CNTLN: variants seen among roughly 807,000 people sequenced by gnomAD.
CNTLN encodes the protein centlein.
In CNTLN, 212 loss-of-function variants were observed where a neutral mutation model predicts 180.0. The ratio of observed to expected loss-of-function variants is 1.18; its 90% confidence interval spans 1.05 to 1.32. The LOEUF is 1.32. Ranked by LOEUF, CNTLN falls within the 40% of genes most tolerant of loss-of-function variation. The probability of loss-of-function intolerance (pLI) is 0.00; values close to 1 mark genes in which losing one functional copy is unlikely to be tolerated. For synonymous variants in CNTLN, 722 were observed against 563.1 expected (o/e 1.28, Z -3.99); for missense variants, 2,095 against 1,610.9 (o/e 1.30, Z -5.14).
intron 13 of CNTLN, among the ~76,000 whole-genome samples, chr9:17,381,361 T>C (rs1825240324): frequency 6.6e-6 from 1 of 152,214 alleles, no homozygotes; most frequent in African/African-American, 2.4e-5. Context: ...GAGTAGCTAG[T>C]CAAGTGCAGC....
At chr9:17,168,966 C>T (rs1178883137) in intron 2 of CNTLN, among the ~76,000 whole-genome samples, 2 of 152,036 alleles carry the variant, frequency 1.3e-5, no homozygotes, top group East Asian at 3.9e-4. Context: ...AGTCTGGCAT[C>T]CATTTTTTAC....
intron 6 of CNTLN, among the ~76,000 whole-genome samples, chr9:17,278,671 G>A (rs186465262): frequency 3.9e-5 from 6 of 152,106 alleles, no homozygotes; most frequent in Admixed American, 3.3e-4. Flanking sequence ...TGTTTTTACT[G>A]TGAACTGTGC....
chr9:17,415,165 A>G (rs974059672), intron 16 of CNTLN, among the ~76,000 whole-genome samples: 1 of 152,138 alleles, frequency 6.6e-6, no homozygotes, highest in Non-Finnish European at 1.5e-5. Flanking sequence ...ACGTTTTGAA[A>G]CCAAAAGTCA....
At chr9:17,240,066 A>G (rs1379459543) in intron 5 of CNTLN, among the ~76,000 whole-genome samples, 1 of 152,136 alleles carries the variant, frequency 6.6e-6, no homozygotes, top group Non-Finnish European at 1.5e-5. Context: ...TTACCATCTC[A>G]ATAATATTAA....
chr9:17,316,150 T>C lies in CNTLN; in HGVS notation c.1341+6898T>C, dbSNP rs145144702. On this transcript the variant is annotated intron_variant, in intron 8 of 25. Transcript: ENST00000380647. ...AGTGCATGTATTTTTATAATTGTTATCTCTTTTTGATGAATCGATTCTTTT... is the reference window on the plus strand; with the variant it reads ...AGTGCATGTATTTTTATAATTGTTACCTCTTTTTGATGAATCGATTCTTTT... Among the ~76,000 whole-genome samples, 752 of 152,164 alleles carry C rather than the reference T, an allele frequency of 4.9e-3. 4 individuals are homozygous for C. The highest frequency in any genetic ancestry group is 0.017 in the African/African-American group (699 of 41,582).
At position 17,266,886 on chromosome 9, in the gene CNTLN, G is replaced by C. The variant is rs546045556; in HGVS notation, c.850-6847G>C. 3.3e-5 allele frequency among the ~76,000 whole-genome samples: 5 copies of C among 152,052 alleles called. No homozygotes were observed. In the South Asian group the frequency reaches 1.0e-3, roughly 32 times the overall value. On this transcript the variant is annotated intron_variant, in intron 5 of 25. Coordinates refer to ENST00000380647, the MANE Select transcript of CNTLN (RefSeq NM_017738.4). ...CCCTGCCTTTTTTTGTTTTCCATTT[G>C]CTTGGTAGATCTTTCTCCATCCCTT...
chr9:17,173,418 G>A (rs901670376), intron 2 of CNTLN, among the ~76,000 whole-genome samples: 4 of 151,922 alleles, frequency 2.6e-5, no homozygotes, highest in Admixed American at 1.3e-4. Flanking sequence ...ACCCTGATGC[G>A]TCTTATTTTA....
intron 5 of CNTLN, among the ~76,000 whole-genome samples, chr9:17,242,928 C>T (rs977702294): frequency 1.3e-5 from 2 of 152,080 alleles, no homozygotes; most frequent in Non-Finnish European, 2.9e-5. Context: ...GGTGTTAGCT[C>T]TTATTTAAAA....
intron 5 of CNTLN, among the ~76,000 whole-genome samples, chr9:17,246,936 A>T (rs1282327542): frequency 6.6e-6 from 1 of 151,850 alleles, no homozygotes; most frequent in African/African-American, 2.4e-5. Flanking sequence ...TTCAGGAGCT[A>T]GGTCCTGGAA....
At chr9:17,447,445 G>T in intron 18 of CNTLN, 1 of 163,564 alleles carries the variant, frequency 6.1e-6, no homozygotes. Context: ...CGGTCCGCTG[G>T]CCCAGCGTGC....
At chr9:17,329,575 AGT>A (rs1820510233) in intron 8 of CNTLN, among the ~76,000 whole-genome samples, 1 of 152,036 alleles carries the variant, frequency 6.6e-6, no homozygotes, top group African/African-American at 2.4e-5. Context: ...ATATGAGAAA[AGT>A]GTAATAGTAT....
At chr9:17,325,577 G>GCACA (rs72054312) in intron 8 of CNTLN, among the ~76,000 whole-genome samples, 5 of 119,364 alleles carry the variant, frequency 4.2e-5, no homozygotes, top group Non-Finnish European at 5.6e-5. Context: ...ACACACACAC[G>GCACA]CACACACACA....
At chr9:17,431,991 A>G (rs2133985110) in intron 18 of CNTLN, among the ~76,000 whole-genome samples, 1 of 152,202 alleles carries the variant, frequency 6.6e-6, no homozygotes, top group East Asian at 1.9e-4. Context: ...TTGTGTGTAA[A>G]TAGTAGAATT....
chr9:17,295,583 GTTC>G (rs1268722079), intron 6 of CNTLN, among the ~76,000 whole-genome samples: 5 of 152,070 alleles, frequency 3.3e-5, no homozygotes, highest in Non-Finnish European at 5.9e-5. Context: ...CATTGTTTTT[GTTC>G]TTCTTGGTGG....
intron 12 of CNTLN, among the ~76,000 whole-genome samples, chr9:17,347,369 T>C (rs555841866): frequency 2.6e-5 from 4 of 152,250 alleles, no homozygotes; most frequent in African/African-American, 9.6e-5. Flanking sequence ...GTTGAAAATA[T>C]CGTAGGTCAA....
chr9:17,310,580 A>G (rs1819062654), intron 8 of CNTLN, among the ~76,000 whole-genome samples: 1 of 152,152 alleles, frequency 6.6e-6, no homozygotes, highest in Non-Finnish European at 1.5e-5. Flanking sequence ...TTTGTGGGTT[A>G]TATATCTAGG....
Position 17,231,304 on chromosome 9 carries a change from T to C in CNTLN, c.535-4354T>C, listed in dbSNP as rs538805993. Among the ~76,000 whole-genome samples the C allele has an allele frequency of 5.3e-5, 8 of 152,244 alleles. No individual in the cohort carries two copies. The South Asian group carries it at 1.7e-3, about 32-fold the overall frequency. ...CAAATCCTTCAGCTTATTTAACTCT[T>C]ACTTCTGTATCTAGTGAAATTACTA... is the stretch of plus-strand genomic sequence containing the variant. On this transcript the variant is annotated intron_variant, in intron 3 of 25. Transcript: ENST00000380647.
intron 5 of CNTLN, among the ~76,000 whole-genome samples, chr9:17,257,051 G>A (rs1365174782): frequency 1.3e-5 from 2 of 151,706 alleles, no homozygotes; most frequent in African/African-American, 4.8e-5. Context: ...ATGTATACAT[G>A]TGCCATGCTG....
the CNTLN span, among the ~76,000 whole-genome samples, chr9:17,512,375 G>T: frequency 6.6e-6 from 1 of 152,164 alleles, no homozygotes; most frequent in Non-Finnish European, 1.5e-5. Flanking sequence ...GCAGCAACAT[G>T]GATGCAGTTG....
Sources: gnomAD v4.1 joint callset for allele counts (sites outside exome capture counted in the v4.1 genomes callset) on GRCh38, gnomAD v4.1.1 for gene constraint, MANE v1.5 for transcripts, NCBI Gene and HGNC (gene_info 2026-07-23, HGNC 2026-07-21) for gene names.